The following PRKG1 variants were observed in gnomAD, a reference collection of about 807,000 sequenced individuals.
PRKG1 encodes protein kinase cGMP-dependent 1, also known as cGMP-dependent protein kinase 1.
Under a neutral mutation model 88.1 loss-of-function variants are expected in PRKG1, and 35 were observed. The ratio of observed to expected loss-of-function variants is 0.40; its 90% CI spans 0.30 to 0.53. The LOEUF is 0.53. Among genes scored for constraint, PRKG1 ranks in the 20% least tolerant of loss-of-function variants. The pLI, the probability that PRKG1 is intolerant of heterozygous loss-of-function variation, is 0.59. For missense variants in PRKG1, 540 were observed against 839.8 expected (o/e 0.64, Z 4.41); for synonymous variants, 303 against 292.5 (o/e 1.04, Z -0.37).
intron 4 of PRKG1, among the ~76,000 whole-genome samples, chr10:51,852,106 TTA>T (rs547066670): frequency 6.6e-6 from 1 of 150,446 alleles, no homozygotes; most frequent in Non-Finnish European, 1.5e-5. Context: ...AAACTTAGAC[TTA>T]TATATATATT....
chr10:51,233,311 G>T (rs185463157), intron 2 of PRKG1, among the ~76,000 whole-genome samples: 1 of 152,258 alleles, frequency 6.6e-6, no homozygotes, highest in East Asian at 1.9e-4. Flanking sequence ...AAGTCTTCAT[G>T]AGAACACCCC....
chr10:51,414,905 C>T (rs1838196755), intron 2 of PRKG1, among the ~76,000 whole-genome samples: 1 of 152,092 alleles, frequency 6.6e-6, no homozygotes, highest in African/African-American at 2.4e-5. Context: ...ATTATTCAAA[C>T]AATGTAAAGA....
rs1282821684 is a variant in PRKG1, at chr10:51,218,526, T to A, written c.478+65196T>A. Among the ~76,000 whole-genome samples, 53 of 109,090 alleles carry A rather than the reference T, an allele frequency of 4.9e-4. 2 individuals carry two copies. In the East Asian group the frequency reaches 0.012, roughly 24 times the overall value. 71.6% of individuals were successfully genotyped at this position (109,090 alleles called of 152,430 possible). On this transcript the variant is annotated intron_variant, in intron 2 of 17. Coordinates refer to ENST00000373980, the MANE Select transcript of PRKG1 (RefSeq NM_006258.4). ...ATATATATATATATATATATATATA[T>A]ATATAAAATGTGTGTATTTGGCATT...
chr10:52,091,231 T>C (rs1195401907), intron 7 of PRKG1, among the ~76,000 whole-genome samples: 1 of 152,230 alleles, frequency 6.6e-6, no homozygotes, highest in Admixed American at 6.5e-5. Context: ...TCTTGTCAAA[T>C]GGCTTCCTCC....
intron 2 of PRKG1, among the ~76,000 whole-genome samples, chr10:51,186,707 C>T (rs919957590): frequency 1.3e-5 from 2 of 151,690 alleles, no homozygotes; most frequent in African/African-American, 2.4e-5. Context: ...ACTACTTCTA[C>T]GGTCAATTAT....
upstream of PRKG1, among the ~76,000 whole-genome samples, chr10:51,074,100 C>A (rs934156688): frequency 6.6e-6 from 1 of 150,468 alleles, no homozygotes; most frequent in Non-Finnish European, 1.5e-5. Flanking sequence ...CTCCCCACCC[C>A]CGAAGTAGCG....
intron 3 of PRKG1, among the ~76,000 whole-genome samples, chr10:51,693,162 C>G (rs888870963): frequency 6.6e-6 from 1 of 151,504 alleles, no homozygotes; most frequent in Admixed American, 6.6e-5. Flanking sequence ...GTAGCACACG[C>G]CTGTAATCAC....
At chr10:51,870,679 G>T (rs769137820) in intron 4 of PRKG1, among the ~76,000 whole-genome samples, 1 of 151,988 alleles carries the variant, frequency 6.6e-6, no homozygotes, top group South Asian at 2.1e-4. Context: ...ATGAAGAATC[G>T]CATAGGTCAG....
intron 1 of PRKG1, among the ~76,000 whole-genome samples, chr10:51,037,620 C>T (rs761953168): frequency 4.6e-5 from 7 of 151,802 alleles, no homozygotes; most frequent in Admixed American, 1.3e-4. Flanking sequence ...CCCATTTCTA[C>T]TAAAAATACA....
intron 5 of PRKG1, among the ~76,000 whole-genome samples, chr10:51,916,746 A>T (rs1842348513): frequency 6.6e-6 from 1 of 152,206 alleles, no homozygotes. Context: ...ATTATTCATG[A>T]TATTCAAAAA....
chr10:51,779,059 G>A (rs1294329621), intron 3 of PRKG1, among the ~76,000 whole-genome samples: 2 of 152,136 alleles, frequency 1.3e-5, no homozygotes, highest in African/African-American at 4.8e-5. Context: ...AAAAGGTTGG[G>A]ATTGTTAGGT....
intron 5 of PRKG1, among the ~76,000 whole-genome samples, chr10:52,014,891 A>C (rs1341256125): frequency 6.6e-6 from 1 of 152,264 alleles, no homozygotes; most frequent in East Asian, 1.9e-4. Context: ...CATTCAGGGC[A>C]CACTGATGCA....
chr10:51,430,145 G>T (rs2132723802), intron 2 of PRKG1, among the ~76,000 whole-genome samples: 1 of 150,650 alleles, frequency 6.6e-6, no homozygotes, highest in South Asian at 2.1e-4. Context: ...GCCAGGCGTG[G>T]TGGCTCATGC....
At chr10:51,537,908 G>T (rs1178748867) in intron 3 of PRKG1, among the ~76,000 whole-genome samples, 2 of 152,032 alleles carry the variant, frequency 1.3e-5, no homozygotes, top group Non-Finnish European at 2.9e-5. Flanking sequence ...TTATATGAAA[G>T]CTCCATGAGT....
At chr10:51,074,100 C>T (rs934156688), upstream of PRKG1, among the ~76,000 whole-genome samples, 12 of 150,362 alleles carry the variant, frequency 8.0e-5, no homozygotes, top group African/African-American at 2.9e-4. Flanking sequence ...CTCCCCACCC[C>T]CGAAGTAGCG....
intron 2 of PRKG1, among the ~76,000 whole-genome samples, chr10:51,342,334 G>A (rs778387568): frequency 6.6e-6 from 1 of 152,134 alleles, no homozygotes; most frequent in Non-Finnish European, 1.5e-5. Flanking sequence ...GTCATACAGA[G>A]AGAGATTTTA....
At chr10:51,075,480 A>T (rs74736055) in intron 1 of PRKG1, among the ~76,000 whole-genome samples, 2,190 of 152,346 alleles carry the variant, frequency 0.014, 56 homozygotes, top group African/African-American at 0.05. Context: ...GATTTCCTGA[A>T]TTGGATGACA....
intron 2 of PRKG1, among the ~76,000 whole-genome samples, chr10:51,318,831 G>T (rs575386078): frequency 6.6e-6 from 1 of 152,308 alleles, no homozygotes; most frequent in South Asian, 2.1e-4. Context: ...AGGCTATCTT[G>T]ATAAATTGCT....
chr10:51,905,019 T>A (rs747637401), intron 4 of PRKG1, among the ~76,000 whole-genome samples: 1 of 152,162 alleles, frequency 6.6e-6, no homozygotes, highest in Non-Finnish European at 1.5e-5. Flanking sequence ...AAAACTCAGT[T>A]CTAGTTTGTA....
Sources: gnomAD v4.1 joint callset for allele counts (sites outside exome capture counted in the v4.1 genomes callset) on GRCh38, gnomAD v4.1.1 for gene constraint, MANE v1.5 for transcripts, NCBI Gene and HGNC (gene_info 2026-07-23, HGNC 2026-07-21) for gene names.